MZT2B: variants seen among roughly 807,000 people sequenced by gnomAD.
MZT2B encodes mitotic spindle organizing protein 2B, also known as mitotic-spindle organizing protein 2B.
MZT2B carries 11 observed loss-of-function variants against 12.1 expected under a neutral mutation model. The ratio of observed to expected loss-of-function variants is 0.91; its 90% CI spans 0.57 to 1.50. MZT2B has a LOEUF of 1.50. Among genes scored for constraint, MZT2B ranks in the 40% most tolerant of loss-of-function variants. The pLI, the probability that MZT2B is intolerant of heterozygous loss-of-function variation, is 0.00. For missense variants in MZT2B, 209 were observed against 227.7 expected (o/e 0.92, Z 0.53); for synonymous variants, 85 against 109.5 (o/e 0.78, Z 1.40).
downstream of MZT2B, among the ~76,000 whole-genome samples, chr2:130,193,016 C>A (rs1450656010): frequency 1.3e-5 from 2 of 151,430 alleles, no homozygotes; most frequent in Non-Finnish European, 2.9e-5. Flanking sequence ...GTGCTTGAAC[C>A]CGGGAGGTGG....
chr2:130,191,185 A>C (rs1019732863), downstream of MZT2B, among the ~76,000 whole-genome samples: 2 of 151,974 alleles, frequency 1.3e-5, no homozygotes, highest in Admixed American at 6.6e-5. Context: ...CTCCCACCTC[A>C]TGGGAGGTTT....
chr2:130,185,126 G>A (rs568900697), intron 2 of MZT2B, among the ~76,000 whole-genome samples: 104 of 152,182 alleles, frequency 6.8e-4, no homozygotes, highest in African/African-American at 2.3e-3. Context: ...CGGCTAACAC[G>A]GTGAAACCCC....
the MZT2B span, among the ~76,000 whole-genome samples, chr2:130,203,533 C>T: frequency 6.6e-6 from 1 of 152,092 alleles, no homozygotes; most frequent in Non-Finnish European, 1.5e-5. Flanking sequence ...TGCAGCTGAA[C>T]TTGTGGTAAG....
chr2:130,193,887 A>C (rs767198648), downstream of MZT2B: 9 of 1,614,130 alleles, frequency 5.6e-6, no homozygotes, highest in Non-Finnish European at 7.6e-6. Context: ...TCCCCCCTGT[A>C]CAACATGCAG....
At chr2:130,198,290 C>T in the MZT2B span, 1 of 1,343,698 alleles carries the variant, frequency 7.4e-7, no homozygotes, top group Non-Finnish European at 1.0e-6. Context: ...CAACAACGTC[C>T]CTCTGTCCAC....
chr2:130,187,670 C>T (rs373845006), intron 2 of MZT2B, among the ~76,000 whole-genome samples: 6 of 152,268 alleles, frequency 3.9e-5, no homozygotes, highest in African/African-American at 1.4e-4. Context: ...GGGAGCAGGG[C>T]TAAGCAAAGC....
chr2:130,192,130 G>A (rs145630303), downstream of MZT2B: 1,050 of 1,590,428 alleles, frequency 6.6e-4, 6 homozygotes, highest in African/African-American at 0.012. Flanking sequence ...ATGCCCACCT[G>A]CCAGAGAAGG....
At chr2:130,182,562 G>T in intron 1 of MZT2B, 65 bp from the exon 2 acceptor site, 12 of 1,568,144 alleles carry the variant, frequency 7.7e-6, no homozygotes, top group Non-Finnish European at 1.0e-5. Context: ...GTCCTTGTCG[G>T]GTCTTCAGGG....
At chr2:130,189,446 A>T (rs1274238620) in intron 2 of MZT2B, among the ~76,000 whole-genome samples, 1 of 152,180 alleles carries the variant, frequency 6.6e-6, no homozygotes, top group African/African-American at 2.4e-5. Flanking sequence ...GCACTTCCTC[A>T]GTCAGGACAA....
the MZT2B span, among the ~76,000 whole-genome samples, chr2:130,199,264 G>C: frequency 8.2e-6 from 1 of 122,068 alleles, no homozygotes; most frequent in African/African-American, 2.9e-5. Flanking sequence ...GAGAGGTTGG[G>C]CCAGGCACAC....
intron 2 of MZT2B, among the ~76,000 whole-genome samples, chr2:130,185,298 G>GA (rs1319565357): frequency 7.3e-6 from 1 of 137,834 alleles, no homozygotes; most frequent in Non-Finnish European, 1.6e-5. Flanking sequence ...GGGACAGAGC[G>GA]AGACTCCGTC....
downstream of MZT2B, among the ~76,000 whole-genome samples, chr2:130,192,331 C>T (rs1311338067): frequency 6.6e-6 from 1 of 152,168 alleles, no homozygotes; most frequent in Non-Finnish European, 1.5e-5. Context: ...GAGGTAGCCA[C>T]CCTGGTGGGA....
intron 2 of MZT2B, chr2:130,183,748 G>T: frequency 3.2e-6 from 5 of 1,550,516 alleles, no homozygotes; most frequent in Non-Finnish European, 4.4e-6. Context: ...ACTGACCTTC[G>T]CTCTGTCTGC....
At chr2:130,192,039 G>A (rs748996131), downstream of MZT2B, 31 of 1,614,038 alleles carry the variant, frequency 1.9e-5, no homozygotes, top group African/African-American at 2.7e-5. Context: ...CGCAATGGCC[G>A]TGGTGTTGCT....
chr2:130,182,093 C>G (rs1160706348), upstream of MZT2B: 6 of 1,346,916 alleles, frequency 4.5e-6, no homozygotes, highest in Non-Finnish European at 5.7e-6. Flanking sequence ...GAGCGCCGCT[C>G]AGCACACCGT....
At chr2:130,196,322 T>G in the MZT2B span, 47 of 1,614,136 alleles carry the variant, frequency 2.9e-5, no homozygotes, top group South Asian at 1.9e-4. Context: ...CCAGCAGGCA[T>G]TGCCGATCTG....
At chr2:130,183,363 G>A (rs1270783756) in intron 2 of MZT2B, among the ~76,000 whole-genome samples, 1 of 152,198 alleles carries the variant, frequency 6.6e-6, no homozygotes, top group African/African-American at 2.4e-5. Context: ...TCTGATGACT[G>A]CAGGAAGAGA....
At chr2:130,201,938 T>A in the MZT2B span, among the ~76,000 whole-genome samples, 1 of 152,228 alleles carries the variant, frequency 6.6e-6, no homozygotes, top group Non-Finnish European at 1.5e-5. Flanking sequence ...CACTCTTATA[T>A]ATATGCTGTC....
At chr2:130,194,426 T>C (rs200337115), downstream of MZT2B, 4 of 1,598,524 alleles carry the variant, frequency 2.5e-6, no homozygotes, top group Non-Finnish European at 3.4e-6. Context: ...CCCAAAGCTG[T>C]GGAAGATGAG....
Sources: allele counts gnomAD v4.1 joint callset (sites outside exome capture counted in the v4.1 genomes callset), GRCh38; gene constraint gnomAD v4.1.1; transcripts MANE v1.5; gene names NCBI Gene and HGNC (gene_info 2026-07-23, HGNC 2026-07-21).